Variants in ALG12 observed in about 807,000 individuals in gnomAD.
The protein encoded by ALG12 is dol-P-Man:Man(7)GlcNAc(2)-PP-Dol alpha-1,6-mannosyltransferase.
A neutral mutation model predicts 46.0 loss-of-function variants in ALG12; 36 were observed. The observed-to-expected ratio is 0.78, with a 90% CI of 0.60 to 1.03. ALG12 has a LOEUF of 1.03. Ranked by LOEUF, ALG12 falls within the 50% of genes least tolerant of loss-of-function variation. ALG12 has a pLI of 0.00. For synonymous variants in ALG12, 326 were observed against 291.6 expected, an observed-to-expected ratio of 1.12 and a Z score of -1.20; for missense variants, 599 against 633.5, an observed-to-expected ratio of 0.95 and a Z score of 0.58.
chr22:49,884,171 T>A, the ALG12 span: 1 of 1,612,424 alleles, frequency 6.2e-7, no homozygotes, highest in Non-Finnish European at 8.5e-7. Flanking sequence ...ACCGTGCTCA[T>A]TCAGGAAAAT....
chr22:49,893,307 A>G, the ALG12 span, among the ~76,000 whole-genome samples: 1 of 152,328 alleles, frequency 6.6e-6, no homozygotes, highest in Middle Eastern at 3.4e-3. Context: ...CATAGGTGTC[A>G]ATATCTTTGA....
the ALG12 span, among the ~76,000 whole-genome samples, chr22:49,870,860 A>G: frequency 2.6e-5 from 4 of 152,084 alleles, no homozygotes; most frequent in Non-Finnish European, 5.9e-5. Flanking sequence ...TGTTTCTGTT[A>G]CAATCCACTC....
chr22:49,910,733 C>T (rs1048927046), intron 3 of ALG12, 126 bp from the exon 4 acceptor site: 72 of 1,169,458 alleles, frequency 6.2e-5, no homozygotes, highest in South Asian at 1.0e-4. Flanking sequence ...TGCCAGCTGA[C>T]GGCTACGTCA....
downstream of ALG12, among the ~76,000 whole-genome samples, chr22:49,896,975 C>CA (rs138106424): frequency 5.8e-3 from 831 of 143,848 alleles, 2 homozygotes; most frequent in Non-Finnish European, 6.0e-3. Flanking sequence ...AATTCCCAGT[C>CA]AAAAAAAAAA....
chr22:49,907,659 T>C, intron 7 of ALG12, 62 bp downstream of exon 7: 1 of 1,540,630 alleles, frequency 6.5e-7, no homozygotes, highest in Non-Finnish European at 8.9e-7. Flanking sequence ...CCCCCAACAG[T>C]AAATCAGTGA....
At chr22:49,862,044 G>T in the ALG12 span, among the ~76,000 whole-genome samples, 1 of 152,334 alleles carries the variant, frequency 6.6e-6, no homozygotes. Context: ...ATGGTAGGGT[G>T]AGAAGGGGTA....
In ALG12 at chr22:49,906,257, C is replaced by G. The variant is rs1477467031; in HGVS notation, c.992+1464G>C. Among the ~76,000 whole-genome samples, 4 of 152,298 alleles carry G rather than the reference C, an allele frequency of 2.6e-5. No individual in the cohort carries two copies. In the East Asian group the frequency reaches 7.7e-4, roughly 29 times the overall value. ...TGCTGGAAAAGCCTGTCACCGAATA[C>G]AATCCATCCGCGCCGCTCTCCCCGT... On this transcript the variant is annotated intron_variant, in intron 7 of 9. Coordinates refer to ENST00000330817, the MANE Select transcript of ALG12 (RefSeq NM_024105.4). This position sits in a 1 kb window ranked among gnomAD's most constrained non-coding sequence, Gnocchi z 4.4.
At chr22:49,910,183 A>G in intron 4 of ALG12, 95 bp from the exon 5 acceptor site, 1 of 1,391,202 alleles carries the variant, frequency 7.2e-7, no homozygotes, top group Non-Finnish European at 9.8e-7. Flanking sequence ...TTTTCCTATT[A>G]TAAAAGCCAC....
the ALG12 span, among the ~76,000 whole-genome samples, chr22:49,879,147 AAAAAAAC>A: frequency 2.0e-5 from 3 of 150,718 alleles, no homozygotes; most frequent in Non-Finnish European, 4.4e-5. Context: ...CCATCTCAAA[AAAAAAAC>A]AAAAAACAAA....
chr22:49,904,267 G>C lies in ALG12; in HGVS notation c.1163-13C>G. The C allele has an allele frequency of 1.9e-6, 3 of 1,614,120 alleles. No homozygotes were observed. The highest frequency in any genetic ancestry group is 2.5e-6 in the Non-Finnish European group (3 of 1,179,972). On this transcript the variant is annotated splice_polypyrimidine_tract_variant and intron_variant, in intron 8 of 9. Transcript: ENST00000330817. ...TGCAGAAGGACGTCTAGGAAAACCA[G>C]GCCTGCCGTCAGAGCCCAGCCCTGC...
chr22:49,886,801 C>T, the ALG12 span: 1 of 1,613,078 alleles, frequency 6.2e-7, no homozygotes. This position sits in a 1 kb window ranked among gnomAD's most constrained non-coding sequence, Gnocchi z 7.7. Context: ...GGCTGCCTCC[C>T]ACAGGTGTGA....
At position 49,903,194 on chromosome 22, in the gene ALG12, A is replaced by T. The variant is rs1473302353; in HGVS notation, c.*644T>A. The T allele has an allele frequency of 8.0e-6, 3 of 376,680 alleles. No homozygotes were observed. The highest frequency in any genetic ancestry group is 1.6e-5 in the Non-Finnish European group (3 of 191,956). The allele number at this position is 376,680 out of a possible 1,614,324, so 23.3% of individuals were successfully genotyped here. On this transcript the variant is annotated 3_prime_UTR_variant, in exon 10 of 10. Transcript: ENST00000330817. Reference sequence around the variant, plus strand: ...ACATAGGAAACATTTTTAAAATTTCATTCTCATTATTTTCTGTAATCTTGA... The same window carrying T: ...ACATAGGAAACATTTTTAAAATTTCTTTCTCATTATTTTCTGTAATCTTGA...
At chr22:49,891,825 AC>A in the ALG12 span, among the ~76,000 whole-genome samples, 1 of 152,138 alleles carries the variant, frequency 6.6e-6, no homozygotes, top group African/African-American at 2.4e-5. Flanking sequence ...TTTTCCATGA[AC>A]TTTTTGAAGA....
the ALG12 span, among the ~76,000 whole-genome samples, chr22:49,862,575 G>A: frequency 2.0e-5 from 3 of 151,994 alleles, no homozygotes; most frequent in Admixed American, 6.6e-5. Context: ...GCCCCTGTGC[G>A]TGCCGCCCCA....
chr22:49,862,984 G>T, the ALG12 span, among the ~76,000 whole-genome samples: 1 of 152,056 alleles, frequency 6.6e-6, no homozygotes, highest in Non-Finnish European at 1.5e-5. Context: ...TTACAGGTGT[G>T]AGCCACCGCA....
the ALG12 span, chr22:49,887,980 C>T: frequency 6.0e-6 from 1 of 167,286 alleles, no homozygotes; most frequent in Non-Finnish European, 1.5e-5. Flanking sequence ...GCCTCCGCTT[C>T]AGCATCTCCA....
the ALG12 span, chr22:49,884,995 G>A: frequency 1.8e-5 from 29 of 1,613,264 alleles, no homozygotes; most frequent in African/African-American, 6.7e-5. Context: ...TGAATCTGGC[G>A]CCATCTTCCA....
the ALG12 span, among the ~76,000 whole-genome samples, chr22:49,861,699 A>C: frequency 2.0e-5 from 3 of 152,150 alleles, no homozygotes; most frequent in Non-Finnish European, 4.4e-5. Flanking sequence ...GGCCTCCCAA[A>C]GTGCTGGGAT....
the ALG12 span, among the ~76,000 whole-genome samples, chr22:49,877,815 C>G: frequency 6.6e-6 from 1 of 152,134 alleles, no homozygotes; most frequent in African/African-American, 2.4e-5. Flanking sequence ...CCCCTCGTGG[C>G]CCCTCCTCCC....
Sources: gnomAD v4.1 joint callset for allele counts (sites outside exome capture counted in the v4.1 genomes callset) on GRCh38, gnomAD v4.1.1 for gene constraint, Gnocchi (gnomAD v3.1) non-coding constraint, MANE v1.5 for transcripts, NCBI Gene and HGNC (gene_info 2026-07-23, HGNC 2026-07-21) for gene names.